The following HYAL4 variants were observed in gnomAD, a reference collection of about 807,000 sequenced individuals.
HYAL4 encodes the protein hyaluronidase-4.
Under a neutral mutation model 35.2 loss-of-function variants are expected in HYAL4, and 37 were observed. The observed-to-expected ratio is 1.05, with a 90% CI of 0.81 to 1.38. The LOEUF (loss-of-function observed/expected upper bound fraction) is 1.38. HYAL4 is among the 40% of genes most tolerant of loss of function. The probability of loss-of-function intolerance (pLI) is 0.00; values close to 1 mark genes in which losing one functional copy is unlikely to be tolerated. For synonymous variants in HYAL4, 198 were observed against 203.2 expected (o/e 0.97, Z 0.22); for missense variants, 572 against 572.4 (o/e 1.00, Z 0.01).
At chr7:123,802,461 T>C in the HYAL4 span, among the ~76,000 whole-genome samples, 35 of 152,360 alleles carry the variant, frequency 2.3e-4, no homozygotes, top group South Asian at 3.1e-3. Context: ...CTTATGCCTT[T>C]TGGCACACAT....
the HYAL4 span, among the ~76,000 whole-genome samples, chr7:123,779,294 T>C: frequency 1.3e-5 from 2 of 152,180 alleles, no homozygotes; most frequent in East Asian, 3.9e-4. Flanking sequence ...TTAAGAACTA[T>C]TGTCCAAGAC....
chr7:123,853,719 T>C (rs1019436325), intron 2 of HYAL4, among the ~76,000 whole-genome samples: 4 of 152,208 alleles, frequency 2.6e-5, no homozygotes, highest in Non-Finnish European at 5.9e-5. Flanking sequence ...CAGGTTTTGA[T>C]ATCAGGATGA....
chr7:123,834,942 G>C (rs1450060104), intron 1 of HYAL4, among the ~76,000 whole-genome samples: 1 of 152,094 alleles, frequency 6.6e-6, no homozygotes, highest in Non-Finnish European at 1.5e-5. Flanking sequence ...ACTTGATCAT[G>C]GTGGATTGTC....
At chr7:123,811,178 A>G in the HYAL4 span, among the ~76,000 whole-genome samples, 89 of 152,344 alleles carry the variant, frequency 5.8e-4, no homozygotes, top group Non-Finnish European at 1.2e-3. Flanking sequence ...GTGTGGGTGT[A>G]AGTTTCCAAG....
Position 123,876,888 on chromosome 7 carries a change from C to A in HYAL4, c.1179C>A (p.Asn393Lys). The change falls in exon 5 of 5, where the codon AAC becomes AAA. Residue 393 changes from asparagine (N) to lysine (K), a missense_variant. By Grantham distance (94) the Asn-to-Lys change is moderately conservative (BLOSUM62 0). Transcript: ENST00000223026. Reference sequence around the variant, plus strand: ...GCAGGTGCATAAGGAAGATGTGGAACGCGCCCAGTTACCTTCACTTGAACC... The same window carrying A: ...GCAGGTGCATAAGGAAGATGTGGAAAGCGCCCAGTTACCTTCACTTGAACC... Reference protein sequence around the residue: ...NNGRCIRKMWNAPSYLHLNPA... With the variant: ...NNGRCIRKMWKAPSYLHLNPA... The A allele has an allele frequency of 6.2e-7, 1 of 1,614,144 alleles. No homozygotes were observed.
At chr7:123,768,042 T>A in the HYAL4 span, among the ~76,000 whole-genome samples, 1 of 152,230 alleles carries the variant, frequency 6.6e-6, no homozygotes, top group Non-Finnish European at 1.5e-5. Context: ...TTTAAGTGGG[T>A]ATTCTGTATT....
At chr7:123,816,806 G>A in the HYAL4 span, among the ~76,000 whole-genome samples, 1 of 151,998 alleles carries the variant, frequency 6.6e-6, no homozygotes, top group Non-Finnish European at 1.5e-5. Context: ...AAAACAGTAT[G>A]GGTTTTTCTC....
At chr7:123,851,072 A>G (rs540139200) in intron 2 of HYAL4, among the ~76,000 whole-genome samples, 1 of 152,372 alleles carries the variant, frequency 6.6e-6, no homozygotes, top group South Asian at 2.1e-4. Context: ...TGGTTAATGT[A>G]TGTTGCTATG....
intron 1 of HYAL4, among the ~76,000 whole-genome samples, chr7:123,833,994 A>G (rs1374259149): frequency 6.6e-6 from 1 of 152,106 alleles, no homozygotes; most frequent in Non-Finnish European, 1.5e-5. Flanking sequence ...ATGGTCTTAT[A>G]GTATAGTTTG....
the HYAL4 span, among the ~76,000 whole-genome samples, chr7:123,791,494 C>G: frequency 6.6e-6 from 1 of 152,132 alleles, no homozygotes; most frequent in African/African-American, 2.4e-5. Flanking sequence ...ATGATAAGCT[C>G]AATATCAGTG....
At chr7:123,771,912 C>T in the HYAL4 span, among the ~76,000 whole-genome samples, 1 of 150,996 alleles carries the variant, frequency 6.6e-6, no homozygotes, top group African/African-American at 2.4e-5. Context: ...TAAACTGTTG[C>T]GGGTCTGAGT....
intron 2 of HYAL4, among the ~76,000 whole-genome samples, chr7:123,851,323 C>T (rs1806301414): frequency 6.6e-6 from 1 of 152,114 alleles, no homozygotes; most frequent in East Asian, 1.9e-4. Flanking sequence ...ATACATGTGT[C>T]ATGGTGGTCT....
intron 2 of HYAL4, among the ~76,000 whole-genome samples, chr7:123,863,760 G>A (rs2116948928): frequency 6.6e-6 from 1 of 152,282 alleles, no homozygotes; most frequent in East Asian, 1.9e-4. Flanking sequence ...CTGTGACATT[G>A]TTTAAGAGAA....
chr7:123,764,963 C>A, the HYAL4 span, among the ~76,000 whole-genome samples: 2 of 152,058 alleles, frequency 1.3e-5, no homozygotes, highest in African/African-American at 4.8e-5. Flanking sequence ...ATATATTCAA[C>A]CAAAGTGTCA....
chr7:123,807,019 G>A, the HYAL4 span, among the ~76,000 whole-genome samples: 2 of 152,008 alleles, frequency 1.3e-5, no homozygotes, highest in African/African-American at 4.8e-5. Context: ...GACCTTTTGG[G>A]GGAAAATTAC....
the HYAL4 span, chr7:123,814,412 G>A: frequency 6.6e-6 from 1 of 152,602 alleles, no homozygotes; most frequent in Non-Finnish European, 1.5e-5. Context: ...CTTATCTCAA[G>A]ATGGAAAATC....
the HYAL4 span, among the ~76,000 whole-genome samples, chr7:123,816,142 A>C: frequency 1.3e-5 from 2 of 152,146 alleles, no homozygotes; most frequent in Non-Finnish European, 2.9e-5. Context: ...TTAGAAGGGA[A>C]ACTGCCATTT....
chr7:123,793,238 A>G, the HYAL4 span, among the ~76,000 whole-genome samples: 2 of 152,196 alleles, frequency 1.3e-5, no homozygotes, highest in African/African-American at 2.4e-5. Flanking sequence ...CCTTAAAGCA[A>G]CTAGTGCTTG....
the HYAL4 span, among the ~76,000 whole-genome samples, chr7:123,788,837 T>C: frequency 1.8e-4 from 28 of 152,350 alleles, no homozygotes; most frequent in African/African-American, 6.5e-4. Context: ...ACTACCTCTG[T>C]TCGTAAAATT....
Sources: gnomAD v4.1 joint callset for allele counts (sites outside exome capture counted in the v4.1 genomes callset) on GRCh38, gnomAD v4.1.1 for gene constraint, MANE v1.5 for transcripts, NCBI Gene and HGNC (gene_info 2026-07-23, HGNC 2026-07-21) for gene names.